Variants in ARHGEF4 observed in about 807,000 individuals in gnomAD.
ARHGEF4 encodes the protein APC-stimulated guanine nucleotide exchange factor 1.
In ARHGEF4, 119 loss-of-function variants were observed where a neutral mutation model predicts 162.0. That is an observed-to-expected ratio of 0.73 (90% CI 0.63 to 0.86). ARHGEF4 has a LOEUF of 0.86. ARHGEF4 is among the 40% of genes least tolerant of loss of function. ARHGEF4 has a pLI of 0.00. For synonymous variants in ARHGEF4, 1,014 were observed against 979.9 expected (o/e 1.03, Z -0.65); for missense variants, 2,488 against 2,456.0 (o/e 1.01, Z -0.28).
chr2:130,892,056 T>C (rs939139686), intron 1 of ARHGEF4, among the ~76,000 whole-genome samples: 5 of 152,186 alleles, frequency 3.3e-5, no homozygotes, highest in Non-Finnish European at 5.9e-5. Context: ...GTTTCCTGGG[T>C]GCAAGTGCTC....
intron 4 of ARHGEF4, among the ~76,000 whole-genome samples, chr2:130,992,377 A>T (rs1687072362): frequency 6.6e-6 from 1 of 151,774 alleles, no homozygotes; most frequent in African/African-American, 2.4e-5. Flanking sequence ...TGCTGCTTTT[A>T]AGAGCTGTAA....
At chr2:130,837,966 G>A (rs1680322762) in intron 1 of ARHGEF4, among the ~76,000 whole-genome samples, 1 of 152,242 alleles carries the variant, frequency 6.6e-6, no homozygotes, top group Admixed American at 6.5e-5. Flanking sequence ...AGTGAAAGGG[G>A]CAGGAAGCCA....
chr2:130,977,665 GGT>G (rs143773962), intron 4 of ARHGEF4, among the ~76,000 whole-genome samples: 28 of 151,616 alleles, frequency 1.8e-4, no homozygotes, highest in East Asian at 1.2e-3. Flanking sequence ...GTGTATGTAT[GGT>G]GTGTGTGTGT....
intron 2 of ARHGEF4, among the ~76,000 whole-genome samples, chr2:130,917,955 T>G (rs1681624087): frequency 6.6e-6 from 1 of 151,884 alleles, no homozygotes; most frequent in Admixed American, 6.6e-5. Flanking sequence ...ACGAGTAGAT[T>G]GGATTACAGG....
intron 4 of ARHGEF4, among the ~76,000 whole-genome samples, chr2:130,955,965 A>G (rs1684244470): frequency 6.6e-6 from 1 of 152,162 alleles, no homozygotes; most frequent in Non-Finnish European, 1.5e-5. Context: ...AGAGATCAGG[A>G]GCTATCTGTT....
chr2:130,977,254 G>T (rs1685800027), intron 4 of ARHGEF4, among the ~76,000 whole-genome samples: 2 of 151,732 alleles, frequency 1.3e-5, no homozygotes, highest in Admixed American at 1.3e-4. Flanking sequence ...CTGTGCATGT[G>T]TAGTGTGTGG....
chr2:131,039,417 C>T (rs1232476507), intron 6 of ARHGEF4: 5 of 1,040,048 alleles, frequency 4.8e-6, no homozygotes, highest in Admixed American at 5.1e-5. Flanking sequence ...AGTTGAGGCA[C>T]GGTCAAGTTA....
chr2:131,000,654 A>T (rs1053571045), intron 4 of ARHGEF4, among the ~76,000 whole-genome samples: 3 of 152,254 alleles, frequency 2.0e-5, no homozygotes, highest in Admixed American at 6.5e-5. Context: ...CAATTTTACC[A>T]TTATGTGTAC....
At chr2:130,955,630 ATTGGTTGCTGATT>A in intron 4 of ARHGEF4, among the ~76,000 whole-genome samples, 5 of 152,018 alleles carry the variant, frequency 3.3e-5, no homozygotes, top group Admixed American at 3.3e-4. Flanking sequence ...AGCTCCACTC[ATTGGTTGCTGATT>A]GCTCTGTTAT....
chr2:130,988,901 T>TATATAGAGAGAGAGAG lies in ARHGEF4; in HGVS notation c.3986-39043_3986-39042insTATAGAGAGAGAGAGA, dbSNP rs1469212068. ...ATATATATATATATATATATATATA[T>TATATAGAGAGAGAGAG]AGAGAGAGAGAGAGAGAGAGAGAGA... On this transcript the variant is annotated intron_variant, in intron 4 of 13. Transcript: ENST00000409359. 6.2e-5 allele frequency among the ~76,000 whole-genome samples: 7 copies of TATATAGAGAGAGAGAG among 113,364 alleles called. No individual in the cohort carries two copies. The East Asian group carries it at 1.4e-3, about 23-fold the overall frequency. 74.4% of individuals were successfully genotyped at this position (113,364 alleles called of 152,430 possible).
intron 1 of ARHGEF4, among the ~76,000 whole-genome samples, chr2:130,895,136 C>G (rs1680083440): frequency 6.6e-6 from 1 of 152,204 alleles, no homozygotes; most frequent in African/African-American, 2.4e-5. Flanking sequence ...CCACTCACCG[C>G]TCTAGGTTTC....
chr2:130,957,167 CAAATA>C (rs778850541), intron 4 of ARHGEF4, among the ~76,000 whole-genome samples: 1 of 148,168 alleles, frequency 6.7e-6, no homozygotes, highest in Non-Finnish European at 1.5e-5. Context: ...GGATTGTTAA[CAAATA>C]AAATAAAATA....
chr2:130,846,705 A>G (rs765520783), intron 1 of ARHGEF4, among the ~76,000 whole-genome samples: 13 of 152,256 alleles, frequency 8.5e-5, no homozygotes, highest in Non-Finnish European at 1.5e-4. Flanking sequence ...AGAAGGAGGA[A>G]GGAAGCCAGG....
At chr2:131,012,781 A>C (rs780073477) in intron 4 of ARHGEF4, among the ~76,000 whole-genome samples, 1 of 152,188 alleles carries the variant, frequency 6.6e-6, no homozygotes, top group African/African-American at 2.4e-5. Flanking sequence ...GGGTTCTGCC[A>C]TGTTCGCCAG....
chr2:130,877,130 G>A (rs1281934952), intron 1 of ARHGEF4, among the ~76,000 whole-genome samples: 1 of 152,160 alleles, frequency 6.6e-6, no homozygotes, highest in African/African-American at 2.4e-5. Flanking sequence ...CAGCTCACAG[G>A]GAGCTGCGTA....
In ARHGEF4 at chr2:130,884,264, G is replaced by A. The variant is rs553206152; in HGVS notation, c.40-29722G>A. On this transcript the variant is annotated intron_variant, in intron 1 of 13. Coordinates refer to ENST00000409359, the MANE Select transcript of ARHGEF4 (RefSeq NM_001367493.1). ...CACACGCATACACATGCACACACAC[G>A]TGCACACATGCATGCACACAGACAC... 5.9e-5 allele frequency among the ~76,000 whole-genome samples: 9 copies of A among 151,554 alleles called. No individual in the cohort carries two copies. The South Asian group carries it at 1.5e-3, about 25-fold the overall frequency.
chr2:130,986,221 T>G (rs1303359860), intron 4 of ARHGEF4, among the ~76,000 whole-genome samples: 2 of 152,220 alleles, frequency 1.3e-5, no homozygotes, highest in African/African-American at 4.8e-5. Context: ...GTGTGCATCG[T>G]GTGTGGTTTC....
chr2:131,020,459 G>A (rs560873786), intron 4 of ARHGEF4, among the ~76,000 whole-genome samples: 3 of 151,430 alleles, frequency 2.0e-5, no homozygotes, highest in East Asian at 3.9e-4. Flanking sequence ...TTGTCCTTGC[G>A]ATAGTTTGCT....
intron 1 of ARHGEF4, among the ~76,000 whole-genome samples, chr2:130,853,085 CA>C (rs1256214903): frequency 2.0e-5 from 3 of 152,188 alleles, no homozygotes; most frequent in Non-Finnish European, 4.4e-5. Context: ...CTTTGGGTCC[CA>C]GGGGGCTGTT....
Sources: allele counts gnomAD v4.1 joint callset (sites outside exome capture counted in the v4.1 genomes callset), GRCh38; gene constraint gnomAD v4.1.1; transcripts MANE v1.5; gene names NCBI Gene and HGNC (gene_info 2026-07-23, HGNC 2026-07-21).